Variants in TEX36 observed in about 807,000 individuals in gnomAD.
TEX36 encodes the protein testis-expressed protein 36.
Under a neutral mutation model 13.6 loss-of-function variants are expected in TEX36, and 12 were observed. The ratio of observed to expected loss-of-function variants is 0.88; its 90% CI spans 0.56 to 1.43. The LOEUF (loss-of-function observed/expected upper bound fraction) is 1.43. TEX36 is among the 40% of genes most tolerant of loss of function. The pLI is 0.00. For missense variants in TEX36, 224 were observed against 228.3 expected, an observed-to-expected ratio of 0.98 and a Z score of 0.12; for synonymous variants, 93 against 83.0, an observed-to-expected ratio of 1.12 and a Z score of -0.65.
In TEX36 at chr10:125,613,672, G is replaced by T. The variant is rs369034402; in HGVS notation, c.265-36798C>A. On this transcript the variant is annotated intron_variant, in intron 3 of 3. Coordinates refer to the TEX36 transcript ENST00000532135. ...ATATGTGCCACGTTTTCTTAATCCA[G>T]TCTATCATTGTTGGACATTTGGGTT... Among the ~76,000 whole-genome samples the T allele has an allele frequency of 4.6e-5, 7 of 151,946 alleles. No individual in the cohort carries two copies. The East Asian group carries it at 1.4e-3, about 30-fold the overall frequency.
intron 1 of TEX36, among the ~76,000 whole-genome samples, chr10:125,671,686 G>A (rs889626416): frequency 6.6e-6 from 1 of 152,164 alleles, no homozygotes; most frequent in Non-Finnish European, 1.5e-5. Context: ...CAATTGTTCT[G>A]AAAAGTTTCA....
intron 3 of TEX36, among the ~76,000 whole-genome samples, chr10:125,643,655 T>C (rs1395194046): frequency 6.6e-6 from 1 of 151,444 alleles, no homozygotes; most frequent in Non-Finnish European, 1.5e-5. Flanking sequence ...GGCAGGAGAA[T>C]GGCATGAACT....
At chr10:125,615,788 C>T (rs1285210600) in intron 3 of TEX36, among the ~76,000 whole-genome samples, 1 of 152,054 alleles carries the variant, frequency 6.6e-6, no homozygotes, top group Non-Finnish European at 1.5e-5. Context: ...CAGGATGATG[C>T]TGGCTTCATA....
At chr10:125,624,962 G>T (rs757963523) in intron 3 of TEX36, among the ~76,000 whole-genome samples, 5 of 152,142 alleles carry the variant, frequency 3.3e-5, no homozygotes, top group Non-Finnish European at 5.9e-5. Context: ...AGGAGGCCAG[G>T]GTGACCTTGG....
intron 1 of TEX36, among the ~76,000 whole-genome samples, chr10:125,678,525 T>C (rs1847344770): frequency 6.6e-6 from 1 of 152,100 alleles, no homozygotes; most frequent in South Asian, 2.1e-4. Flanking sequence ...GCTTTGATAC[T>C]AGTAGTGGCA....
intron 1 of TEX36, chr10:125,667,925 G>T (rs1445327294): frequency 2.5e-6 from 3 of 1,218,248 alleles, no homozygotes; most frequent in Admixed American, 3.4e-5. Flanking sequence ...CTGCTCCAGG[G>T]TCAATGCTGG....
rs1846936588 is a variant in TEX36 at position 125,656,085 on chromosome 10, G to T, written c.376C>A (p.Gln126Lys). 1 of 1,551,374 alleles carries T rather than the reference G, an allele frequency of 6.4e-7. No homozygotes were observed. Among genetic ancestry groups the T allele is most frequent in the East Asian group, 2.4e-5 (1 of 40,904 alleles). The change falls in exon 4 of 4, where the codon CAA becomes AAA. Residue 126 changes from glutamine (Q) to lysine (K), a missense_variant. Gln to Lys is a moderately conservative substitution (Grantham distance 53). Coordinates refer to ENST00000368821, the MANE Select transcript of TEX36 (RefSeq NM_001128202.3). ...GCTTCTTTATATACGTATGATATTT[G>T]GTTATTTGAAAAGCCATCAAGACAA... The part of the protein sequence containing the change: ...PSCLDGFSNN[Q>K]ISYVYKEAMV...
intron 3 of TEX36, among the ~76,000 whole-genome samples, chr10:125,582,851 A>G (rs1845899786): frequency 6.6e-6 from 1 of 152,236 alleles, no homozygotes. Context: ...CAAATGGACT[A>G]AAGTGCTAAA....
intron 3 of TEX36, among the ~76,000 whole-genome samples, chr10:125,645,493 T>G (rs1846756829): frequency 6.6e-6 from 1 of 151,994 alleles, no homozygotes; most frequent in Non-Finnish European, 1.5e-5. Flanking sequence ...CTTCAGAGAG[T>G]CCTCACTAGC....
intron 3 of TEX36, among the ~76,000 whole-genome samples, chr10:125,596,316 G>C (rs1846081636): frequency 6.6e-6 from 1 of 152,190 alleles, no homozygotes; most frequent in Non-Finnish European, 1.5e-5. Flanking sequence ...GTCAGAGTCA[G>C]AGAAGGAGAT....
At chr10:125,639,611 G>C (rs963870867) in intron 3 of TEX36, among the ~76,000 whole-genome samples, 35 of 151,402 alleles carry the variant, frequency 2.3e-4, no homozygotes, top group Non-Finnish European at 4.3e-4. Context: ...GTGGGGGGGT[G>C]GGGGAAGCTG....
chr10:125,613,353 A>G (rs1846315086), intron 3 of TEX36, among the ~76,000 whole-genome samples: 1 of 149,700 alleles, frequency 6.7e-6, no homozygotes. Flanking sequence ...ATACGTATAC[A>G]TGTGCCATGC....
intron 1 of TEX36, among the ~76,000 whole-genome samples, chr10:125,666,227 G>C (rs1847119582): frequency 6.6e-6 from 1 of 152,078 alleles, no homozygotes; most frequent in African/African-American, 2.4e-5. Context: ...AGGACTTCTA[G>C]TACTATGTTG....
At chr10:125,586,635 C>CAAAAAAA (rs35078105) in intron 3 of TEX36, among the ~76,000 whole-genome samples, 35 of 113,806 alleles carry the variant, frequency 3.1e-4, no homozygotes, top group East Asian at 7.6e-4. Context: ...ACTAAAAATC[C>CAAAAAAA]AAAAAAAAAA....
chr10:125,591,051 G>T lies in TEX36; in HGVS notation c.265-14177C>A, dbSNP rs190708679. ...CTGTACTATACCTGGAGAGAGCACA[G>T]CCCAGTGATGAGGGTGGATCTGAGC... On this transcript the variant is annotated intron_variant, in intron 3 of 3. Transcript: ENST00000532135. Among the ~76,000 whole-genome samples, 133 of 152,302 alleles carry T rather than the reference G, an allele frequency of 8.7e-4. 1 individual carries two copies. Among genetic ancestry groups the T allele is most frequent in the Middle Eastern group, 6.8e-3 (2 of 294 alleles).
At position 125,629,757 on chromosome 10, in the gene TEX36, G is replaced by A. The variant is rs1023969527; in HGVS notation, c.265-8112C>T. On this transcript the variant is annotated intron_variant, in intron 3 of 3. Transcript: ENST00000526819. ...AATGTAGATTCACTTCTTCAAAACC[G>A]AAGTCTATCCATCACCATGATCAAT... Among the ~76,000 whole-genome samples, 35 of 152,282 alleles carry A rather than the reference G, an allele frequency of 2.3e-4. 1 individual carries two copies. The highest frequency in any genetic ancestry group is 4.6e-4 in the Non-Finnish European group (31 of 68,022).
intron 3 of TEX36, among the ~76,000 whole-genome samples, chr10:125,615,480 T>C (rs1846345228): frequency 6.6e-6 from 1 of 151,916 alleles, no homozygotes; most frequent in South Asian, 2.1e-4. Context: ...TTATTGAGAG[T>C]TTTTAGCATG....
chr10:125,610,791 T>A (rs1306183016), intron 3 of TEX36, among the ~76,000 whole-genome samples: 2 of 152,250 alleles, frequency 1.3e-5, no homozygotes, highest in East Asian at 3.8e-4. Flanking sequence ...TAAAAGTTTT[T>A]AGTTTTTCTT....
intron 3 of TEX36, among the ~76,000 whole-genome samples, chr10:125,579,299 C>A (rs751775788): frequency 6.4e-4 from 98 of 152,298 alleles, no homozygotes; most frequent in Admixed American, 5.2e-4. Context: ...GCAAACACGT[C>A]CTTCTTCACA....
Sources: allele counts gnomAD v4.1 joint callset (sites outside exome capture counted in the v4.1 genomes callset), GRCh38; gene constraint gnomAD v4.1.1; transcripts MANE v1.5; gene names NCBI Gene and HGNC (gene_info 2026-07-23, HGNC 2026-07-21).